Variants in SPOCK1 observed in about 807,000 individuals in gnomAD.
SPOCK1 encodes SPARC (osteonectin), cwcv and kazal like domains proteoglycan 1.
Under a neutral mutation model 55.3 loss-of-function variants are expected in SPOCK1, and 23 were observed. The observed-to-expected ratio is 0.42, with a 90% CI of 0.30 to 0.59. SPOCK1 has a LOEUF of 0.59. Among genes scored for constraint, SPOCK1 ranks in the 20% least tolerant of loss-of-function variants. SPOCK1 has a pLI of 0.22. For missense variants in SPOCK1, 499 were observed against 552.5 expected (o/e 0.90, Z 0.97); for synonymous variants, 226 against 221.0 (o/e 1.02, Z -0.20).
chr5:137,472,111 G>A (rs1157203409), intron 2 of SPOCK1, among the ~76,000 whole-genome samples: 2 of 152,130 alleles, frequency 1.3e-5, no homozygotes, highest in South Asian at 2.1e-4. Flanking sequence ...TCACTGCCAC[G>A]AATTCTTGGG....
At chr5:137,451,713 C>A (rs1753258732) in intron 2 of SPOCK1, among the ~76,000 whole-genome samples, 1 of 152,338 alleles carries the variant, frequency 6.6e-6, no homozygotes, top group Admixed American at 6.5e-5. Flanking sequence ...ACATTTTATG[C>A]CTCCACTTGA....
chr5:137,234,368 G>A (rs959652121), intron 3 of SPOCK1, among the ~76,000 whole-genome samples: 1 of 152,184 alleles, frequency 6.6e-6, no homozygotes, highest in African/African-American at 2.4e-5. Context: ...ACCTTCTCCT[G>A]TTGGGCAAGG....
intron 2 of SPOCK1, among the ~76,000 whole-genome samples, chr5:137,366,229 T>C (rs950652095): frequency 7.2e-5 from 11 of 152,156 alleles, no homozygotes; most frequent in Admixed American, 2.6e-4. Context: ...CTTATTAAGA[T>C]CCAGGATGTC....
chr5:137,476,860 G>C (rs1020656164), intron 2 of SPOCK1, among the ~76,000 whole-genome samples: 6 of 152,260 alleles, frequency 3.9e-5, no homozygotes, highest in Non-Finnish European at 2.9e-5. Flanking sequence ...GGGAGGTGGA[G>C]GTTGCTGTGA....
intron 3 of SPOCK1, among the ~76,000 whole-genome samples, chr5:137,262,620 G>C (rs769334644): frequency 6.6e-6 from 1 of 152,188 alleles, no homozygotes; most frequent in African/African-American, 2.4e-5. Flanking sequence ...TTTGGTAACT[G>C]CTTATGGAAT....
chr5:137,209,451 C>T (rs1165980452), intron 3 of SPOCK1, among the ~76,000 whole-genome samples: 5 of 152,142 alleles, frequency 3.3e-5, no homozygotes, highest in Non-Finnish European at 5.9e-5. Context: ...AATAGAAACA[C>T]CGTAAATATC....
intron 3 of SPOCK1, among the ~76,000 whole-genome samples, chr5:137,234,628 T>G (rs1392849607): frequency 6.6e-6 from 1 of 152,170 alleles, no homozygotes; most frequent in African/African-American, 2.4e-5. Context: ...TTCAATACAA[T>G]TCTAAATAAT....
chr5:137,343,841 T>C (rs1750494807), intron 2 of SPOCK1, among the ~76,000 whole-genome samples: 1 of 152,118 alleles, frequency 6.6e-6, no homozygotes, highest in South Asian at 2.1e-4. Context: ...ATTCCCCCAG[T>C]TAACTGACTT....
At chr5:136,998,168 ATTG>A (rs1165663435) in intron 6 of SPOCK1, among the ~76,000 whole-genome samples, 2 of 152,142 alleles carry the variant, frequency 1.3e-5, no homozygotes, top group African/African-American at 2.4e-5. Context: ...TTAGAATTGT[ATTG>A]TTGTGCGTTT....
At chr5:137,200,032 G>T (rs1755396231) in intron 3 of SPOCK1, among the ~76,000 whole-genome samples, 1 of 152,206 alleles carries the variant, frequency 6.6e-6, no homozygotes, top group Non-Finnish European at 1.5e-5. Flanking sequence ...CCCTGAGCCT[G>T]CGCTAGAGCA....
intron 5 of SPOCK1, among the ~76,000 whole-genome samples, chr5:137,073,963 G>T (rs181576909): frequency 1.3e-5 from 2 of 152,136 alleles, no homozygotes; most frequent in African/African-American, 2.4e-5. Context: ...TACCACTGGC[G>T]GCGGGACAGG....
At chr5:137,091,454 G>A (rs1219168382) in intron 5 of SPOCK1, among the ~76,000 whole-genome samples, 1 of 152,188 alleles carries the variant, frequency 6.6e-6, no homozygotes, top group Non-Finnish European at 1.5e-5. Context: ...GGATGTATTT[G>A]GAGAAGGCCT....
At chr5:137,347,786 C>G (rs2127159279) in intron 2 of SPOCK1, among the ~76,000 whole-genome samples, 1 of 152,234 alleles carries the variant, frequency 6.6e-6, no homozygotes, top group Non-Finnish European at 1.5e-5. Flanking sequence ...CGAAGCCTCC[C>G]CAGAGCACCC....
chr5:137,480,963 G>A (rs1393426185), intron 2 of SPOCK1, among the ~76,000 whole-genome samples: 1 of 152,170 alleles, frequency 6.6e-6, no homozygotes, highest in African/African-American at 2.4e-5. Flanking sequence ...TTATGATTTT[G>A]AGTATTCTTT....
intron 3 of SPOCK1, among the ~76,000 whole-genome samples, chr5:137,231,558 T>C (rs1360587906): frequency 3.9e-5 from 6 of 152,260 alleles, no homozygotes; most frequent in East Asian, 3.8e-4. Flanking sequence ...ATGTTGCATG[T>C]ATCAGCAGTG....
intron 2 of SPOCK1, among the ~76,000 whole-genome samples, chr5:137,321,489 T>A (rs1184960447): frequency 6.6e-6 from 1 of 152,044 alleles, no homozygotes; most frequent in African/African-American, 2.4e-5. Flanking sequence ...ACTCATCACA[T>A]ACAAAGGAGT....
chr5:137,236,536 G>A lies in SPOCK1; in HGVS notation c.232+30474C>T, dbSNP rs111749617. On this transcript the variant is annotated intron_variant, in intron 3 of 10. Coordinates refer to ENST00000394945, the MANE Select transcript of SPOCK1 (RefSeq NM_004598.4). Reference sequence around the variant, plus strand: ...AACTCTCCCTGTAGGCCCCACAAATGTTAGAGGCAGGCTGTGCATAGATGT... The same window carrying A: ...AACTCTCCCTGTAGGCCCCACAAATATTAGAGGCAGGCTGTGCATAGATGT... 4.6e-3 allele frequency among the ~76,000 whole-genome samples: 708 copies of A among 152,338 alleles called. 5 individuals carry two copies. The highest frequency in any genetic ancestry group is 0.015 in the African/African-American group (623 of 41,582).
At chr5:137,127,230 T>G (rs896092139) in intron 4 of SPOCK1, among the ~76,000 whole-genome samples, 2 of 152,170 alleles carry the variant, frequency 1.3e-5, no homozygotes, top group Non-Finnish European at 2.9e-5. Context: ...TCAGGGCTGC[T>G]CTACCCATCA....
intron 3 of SPOCK1, among the ~76,000 whole-genome samples, chr5:137,202,790 G>A (rs1238108658): frequency 6.6e-6 from 1 of 152,212 alleles, no homozygotes; most frequent in African/African-American, 2.4e-5. Flanking sequence ...TAAAGGCTAA[G>A]GATGGGAATA....
Sources: gnomAD v4.1 joint callset for allele counts (sites outside exome capture counted in the v4.1 genomes callset) on GRCh38, gnomAD v4.1.1 for gene constraint, MANE v1.5 for transcripts, NCBI Gene and HGNC (gene_info 2026-07-23, HGNC 2026-07-21) for gene names.